Variants in CACNA1A observed in about 807,000 individuals in gnomAD.
The protein encoded by CACNA1A is calcium voltage-gated channel subunit alpha1 A.
A neutral mutation model predicts 262.4 loss-of-function variants in CACNA1A; 57 were observed. The observed-to-expected ratio is 0.22, with a 90% CI of 0.18 to 0.27. The LOEUF (loss-of-function observed/expected upper bound fraction) is 0.27. Among genes scored for constraint, CACNA1A ranks in the 10% least tolerant of loss-of-function variants. The pLI, the probability that CACNA1A is intolerant of heterozygous loss-of-function variation, is 1.00. For missense variants in CACNA1A, 2,526 were observed against 3,562.8 expected (o/e 0.71, Z 7.41); for synonymous variants, 1,431 against 1,419.3 (o/e 1.01, Z -0.18).
chr19:13,464,552 T>G (rs2061187762), intron 1 of CACNA1A, among the ~76,000 whole-genome samples: 1 of 149,556 alleles, frequency 6.7e-6, no homozygotes, highest in East Asian at 2.0e-4. Flanking sequence ...AATTTTTTTT[T>G]TTTTTTTTTT....
chr19:13,464,741 G>A (rs982905293), intron 1 of CACNA1A, among the ~76,000 whole-genome samples: 8 of 151,250 alleles, frequency 5.3e-5, no homozygotes, highest in South Asian at 2.1e-4. Flanking sequence ...GTAGAGACGG[G>A]GTTTCACCGT....
intron 30 of CACNA1A, among the ~76,000 whole-genome samples, chr19:13,247,460 G>A (rs140553952): frequency 0.031 from 4,701 of 152,208 alleles, 240 homozygotes; most frequent in African/African-American, 0.1. Flanking sequence ...TTGGGAGGCC[G>A]ATGTGGGCGG....
chr19:13,288,847 TACCAGC>T (rs1217384929), intron 19 of CACNA1A, among the ~76,000 whole-genome samples: 1 of 152,174 alleles, frequency 6.6e-6, no homozygotes, highest in Non-Finnish European at 1.5e-5. Context: ...CTGGCTAAAC[TACCAGC>T]ACCATTCTCC....
chr19:13,430,126 T>C (rs1394595515), intron 3 of CACNA1A, among the ~76,000 whole-genome samples: 2 of 151,956 alleles, frequency 1.3e-5, no homozygotes, highest in Admixed American at 1.3e-4. Context: ...TGCACAACAA[T>C]ATGAATGTAC....
intron 1 of CACNA1A, among the ~76,000 whole-genome samples, chr19:13,504,642 C>T (rs1274943258): frequency 6.6e-6 from 1 of 152,148 alleles, no homozygotes; most frequent in African/African-American, 2.4e-5. Flanking sequence ...CCCCAGGGAC[C>T]CATCCAGCCC....
intron 3 of CACNA1A, among the ~76,000 whole-genome samples, chr19:13,440,862 G>C (rs1001271918): frequency 6.6e-6 from 1 of 152,312 alleles, no homozygotes; most frequent in African/African-American, 2.4e-5. Context: ...TTGGACTGCA[G>C]TGGTGCAAGC....
intron 5 of CACNA1A, among the ~76,000 whole-genome samples, chr19:13,361,068 G>A (rs2059102974): frequency 6.6e-6 from 1 of 152,102 alleles, no homozygotes; most frequent in Non-Finnish European, 1.5e-5. Flanking sequence ...AATTTGTCAA[G>A]CGCATTGTGT....
intron 3 of CACNA1A, among the ~76,000 whole-genome samples, chr19:13,405,178 G>A (rs1032533049): frequency 6.6e-6 from 1 of 151,294 alleles, no homozygotes; most frequent in Non-Finnish European, 1.5e-5. Flanking sequence ...TTACAGGTAT[G>A]AGCCAGCGCG....
chr19:13,210,595 G>T (rs991329690), intron 44 of CACNA1A, 22 bp downstream of exon 44: 1 of 1,557,216 alleles, frequency 6.4e-7, no homozygotes, highest in South Asian at 1.2e-5. Context: ...CCTGCTGGGC[G>T]CTGGGCAGGC....
chr19:13,359,560 C>A, intron 6 of CACNA1A, 46 bp downstream of exon 6: 1 of 1,499,234 alleles, frequency 6.7e-7, no homozygotes, highest in Non-Finnish European at 9.2e-7. Flanking sequence ...GAGGCCACCT[C>A]CCTGAGACTC....
intron 6 of CACNA1A, among the ~76,000 whole-genome samples, chr19:13,348,253 C>T (rs754235033): frequency 2.6e-5 from 4 of 152,040 alleles, no homozygotes; most frequent in Admixed American, 2.0e-4. Flanking sequence ...ACAAATTAAA[C>T]GCAGTTTTTC....
chr19:13,209,899 C>T (rs2054741878), intron 44 of CACNA1A, among the ~76,000 whole-genome samples: 1 of 152,206 alleles, frequency 6.6e-6, no homozygotes, highest in African/African-American at 2.4e-5. Flanking sequence ...CGCACTCATC[C>T]CTGCCCCAGC....
intron 15 of CACNA1A, chr19:13,307,230 T>C (rs58971292): frequency 6.7e-6 from 1 of 148,814 alleles, no homozygotes; most frequent in Admixed American, 6.7e-5. Context: ...CCCAAAGTGG[T>C]TTTTTTTTTC....
intron 1 of CACNA1A, 35 bp from the exon 2 acceptor site, chr19:13,455,247 A>C (rs1236908622): frequency 7.2e-7 from 1 of 1,381,678 alleles, no homozygotes; most frequent in East Asian, 2.3e-5. Flanking sequence ...TTGTTCAAAG[A>C]AAAGAAGGGT....
rs376634388 is a variant in CACNA1A, at chr19:13,257,067, G to A, written c.4590+283C>T. The A allele has an allele frequency of 2.3e-4, 60 of 257,026 alleles. 2 individuals are homozygous for A. Among genetic ancestry groups the A allele is most frequent in the East Asian group, 2.1e-3 (25 of 11,904 alleles). The allele number at this position is 257,026 out of a possible 1,614,324, so 15.9% of individuals were successfully genotyped here. ...GATCCACAACTGATGTTGACATGCA[G>A]TGTGAGCAAAAAATAAGTCCCTTTG... On this transcript the variant is annotated intron_variant, in intron 28 of 46. Transcript: ENST00000360228.
chr19:13,393,386 A>T (rs536244149), intron 3 of CACNA1A, among the ~76,000 whole-genome samples: 1 of 152,326 alleles, frequency 6.6e-6, no homozygotes, highest in East Asian at 1.9e-4. Flanking sequence ...CCATGTGCTT[A>T]AAGTTCAAAA....
At position 13,345,945 on chromosome 19, in the gene CACNA1A, G is replaced by A. The variant is rs190294827; in HGVS notation, c.979-10036C>T. Among the ~76,000 whole-genome samples, 112 of 137,242 alleles carry A rather than the reference G, an allele frequency of 8.2e-4. No individual in the cohort carries two copies. The Middle Eastern group carries it at 0.013, about 15-fold the overall frequency. 90.0% of individuals were successfully genotyped at this position (137,242 alleles called of 152,430 possible). A position where few individuals can be genotyped will look rare whatever the true frequency, so the allele number is the denominator to read the frequency against. On this transcript the variant is annotated intron_variant, in intron 6 of 46. Coordinates refer to ENST00000360228, the MANE Select transcript of CACNA1A (RefSeq NM_001127222.2). The stretch of plus-strand genomic sequence containing the variant: ...AGACAGAGTCTCGCTCTGTCACCTA[G>A]GCTGGAGTGCAGTGGGGTGATCTCA...
At chr19:13,222,764 G>A (rs2055282690) in intron 38 of CACNA1A, among the ~76,000 whole-genome samples, 1 of 149,976 alleles carries the variant, frequency 6.7e-6, no homozygotes, top group Non-Finnish European at 1.5e-5. Context: ...GCGCGATCTT[G>A]GCTCACTGCA....
intron 3 of CACNA1A, among the ~76,000 whole-genome samples, chr19:13,414,679 C>T (rs1171469287): frequency 6.6e-6 from 1 of 152,036 alleles, no homozygotes; most frequent in African/African-American, 2.4e-5. Flanking sequence ...GAAGCTCTGC[C>T]GGGTGTGGTG....
Sources: gnomAD v4.1 joint callset for allele counts (sites outside exome capture counted in the v4.1 genomes callset) on GRCh38, gnomAD v4.1.1 for gene constraint, MANE v1.5 for transcripts, NCBI Gene and HGNC (gene_info 2026-07-23, HGNC 2026-07-21) for gene names.